Variants in MAGI3 observed in about 807,000 individuals in gnomAD.
MAGI3 encodes the protein membrane-associated guanylate kinase, WW and PDZ domain-containing protein 3.
Under a neutral mutation model 121.8 loss-of-function variants are expected in MAGI3, and 43 were observed. That is an observed-to-expected ratio of 0.35 (90% CI 0.28 to 0.46). The LOEUF (loss-of-function observed/expected upper bound fraction) is 0.46. Ranked by LOEUF, MAGI3 falls within the 20% of genes least tolerant of loss-of-function variation. MAGI3 has a pLI of 1.00. For synonymous variants in MAGI3, 553 were observed against 639.3 expected, an observed-to-expected ratio of 0.86 and a Z score of 2.04; for missense variants, 1,547 against 1,797.3, an observed-to-expected ratio of 0.86 and a Z score of 2.52.
At chr1:113,637,596 T>C (rs1218749444) in intron 9 of MAGI3, among the ~76,000 whole-genome samples, 1 of 152,226 alleles carries the variant, frequency 6.6e-6, no homozygotes, top group East Asian at 1.9e-4. Context: ...TGCCAAGAGA[T>C]CCACTGTTAG....
intron 1 of MAGI3, chr1:113,404,539 G>A (rs1651573949): frequency 6.6e-6 from 1 of 152,030 alleles, no homozygotes; most frequent in Non-Finnish European, 1.5e-5. Flanking sequence ...CTGTATGGTA[G>A]AAACACTATA....
At chr1:113,543,722 A>G (rs1659397515) in intron 1 of MAGI3, among the ~76,000 whole-genome samples, 2 of 151,956 alleles carry the variant, frequency 1.3e-5, no homozygotes, top group South Asian at 4.2e-4. Context: ...ACAAAAATTA[A>G]CCTGGCCTGG....
chr1:113,451,844 T>C lies in MAGI3; in HGVS notation c.316+60495T>C, dbSNP rs375882721. On this transcript the variant is annotated intron_variant, in intron 1 of 20. Coordinates refer to ENST00000307546, the MANE Select transcript of MAGI3 (RefSeq NM_001142782.2). ...GAAATAAATGTGATGTTAATTGCTATGGCAGTGTGTCTGTACACATTACTT... is the reference window on the plus strand; with the variant it reads ...GAAATAAATGTGATGTTAATTGCTACGGCAGTGTGTCTGTACACATTACTT... Among the ~76,000 whole-genome samples the C allele has an allele frequency of 3.3e-5, 5 of 152,338 alleles. No individual in the cohort carries two copies. In the East Asian group the frequency reaches 7.7e-4, roughly 23 times the overall value.
chr1:113,417,188 A>C (rs1197019094), intron 1 of MAGI3, among the ~76,000 whole-genome samples: 1 of 152,076 alleles, frequency 6.6e-6, no homozygotes, highest in Non-Finnish European at 1.5e-5. Context: ...GAATGTATAG[A>C]GTCATATAAT....
At chr1:113,420,071 C>T (rs370478360) in intron 1 of MAGI3, among the ~76,000 whole-genome samples, 94 of 152,278 alleles carry the variant, frequency 6.2e-4, no homozygotes, top group African/African-American at 2.2e-3. Flanking sequence ...CAGATTTGTA[C>T]TCACATTAAG....
chr1:113,526,434 GA>G (rs1365274314), intron 1 of MAGI3, among the ~76,000 whole-genome samples: 1 of 152,110 alleles, frequency 6.6e-6, no homozygotes, highest in East Asian at 1.9e-4. Flanking sequence ...GTGTTCCAGA[GA>G]AAAGGAACAT....
chr1:113,418,297 A>C (rs572863139), intron 1 of MAGI3, among the ~76,000 whole-genome samples: 1 of 152,190 alleles, frequency 6.6e-6, no homozygotes, highest in African/African-American at 2.4e-5. Context: ...TTTGTCCCCA[A>C]CCCACTTTTC....
intron 1 of MAGI3, among the ~76,000 whole-genome samples, chr1:113,395,368 C>G (rs1448536695): frequency 6.6e-6 from 1 of 151,354 alleles, no homozygotes; most frequent in Non-Finnish European, 1.5e-5. Context: ...TGAAAATTTC[C>G]TATTTCAAAT....
chr1:113,452,455 T>TACACAC (rs4026203), intron 1 of MAGI3, among the ~76,000 whole-genome samples: 4,530 of 147,178 alleles, frequency 0.031, 98 homozygotes, highest in Non-Finnish European at 0.045. Flanking sequence ...TGCATAGACA[T>TACACAC]ACACACACAC....
intron 1 of MAGI3, among the ~76,000 whole-genome samples, chr1:113,502,828 A>G (rs1185249699): frequency 3.6e-4 from 21 of 59,134 alleles, no homozygotes; most frequent in East Asian, 6.8e-4. Context: ...CAAATGTCCA[A>G]CAATGATAGA....
At chr1:113,637,175 CTT>C (rs1387904056) in intron 9 of MAGI3, among the ~76,000 whole-genome samples, 1 of 152,158 alleles carries the variant, frequency 6.6e-6, no homozygotes, top group Non-Finnish European at 1.5e-5. Context: ...GGTCTTGACT[CTT>C]TATCCAATTT....
At chr1:113,464,230 A>G (rs971508034) in intron 1 of MAGI3, among the ~76,000 whole-genome samples, 3 of 152,098 alleles carry the variant, frequency 2.0e-5, no homozygotes, top group Admixed American at 6.5e-5. Flanking sequence ...TGGCTCCCAC[A>G]TATGAGTGAG....
chr1:113,425,008 A>C (rs896127935), intron 1 of MAGI3, among the ~76,000 whole-genome samples: 3 of 151,578 alleles, frequency 2.0e-5, no homozygotes, highest in African/African-American at 4.8e-5. Context: ...ATAAATGAAA[A>C]ATTAGCCGGG....
At chr1:113,437,701 C>G (rs1192631717) in intron 1 of MAGI3, among the ~76,000 whole-genome samples, 1 of 151,768 alleles carries the variant, frequency 6.6e-6, no homozygotes, top group East Asian at 1.9e-4. Context: ...TTTTCCCCTT[C>G]CTCCTCGTCT....
intron 1 of MAGI3, among the ~76,000 whole-genome samples, chr1:113,453,644 A>C (rs1286826540): frequency 6.6e-6 from 1 of 152,210 alleles, no homozygotes; most frequent in Non-Finnish European, 1.5e-5. Flanking sequence ...TGCATGTTTT[A>C]AACAGGAAAT....
In MAGI3 at chr1:113,585,403, T is replaced by G; in HGVS notation, c.570T>G (p.Thr190=). The G allele has an allele frequency of 6.2e-7, 1 of 1,613,952 alleles. No homozygotes were observed. Among genetic ancestry groups the G allele is most frequent in the Non-Finnish European group, 8.5e-7 (1 of 1,179,914 alleles). ...TCACTTCAGGAAACTTCTATGGAACTCCCAAGCCTCCAGCAGAACCCAGCC... is the reference window on the plus strand; with the variant it reads ...TCACTTCAGGAAACTTCTATGGAACGCCCAAGCCTCCAGCAGAACCCAGCC... ...SGTYDGNFYG[T]PKPPAEPSPF... Residue 190 remains threonine (T), a synonymous_variant, in exon 4 of 21, where the codon ACT becomes ACG. Coordinates refer to ENST00000307546, the MANE Select transcript of MAGI3 (RefSeq NM_001142782.2).
Position 113,682,642 on chromosome 1 carries a change from TCTCA to T in MAGI3, c.3329-252_3329-249del, listed in dbSNP as rs1648289013. 6.1e-6 allele frequency: 6 copies of T among 976,184 alleles called. No homozygotes were observed. The South Asian group carries it at 1.9e-4, about 31-fold the overall frequency. The allele number at this position is 976,184 out of a possible 1,614,324, so 60.5% of individuals were successfully genotyped here. A position where few individuals can be genotyped will look rare whatever the true frequency, so the allele number is the denominator to read the frequency against. On this transcript the variant is annotated intron_variant, in intron 20 of 20. Transcript: ENST00000307546. ...TAGAGAATTTACAGATCATATATTA[TCTCA>T]CTAATTATATGTAATTGGAAAAAAT... is the stretch of plus-strand genomic sequence containing the variant.
At chr1:113,613,117 T>C (rs1650261150) in intron 6 of MAGI3, among the ~76,000 whole-genome samples, 1 of 152,172 alleles carries the variant, frequency 6.6e-6, no homozygotes, top group Non-Finnish European at 1.5e-5. Context: ...GAAACAGTTG[T>C]TTGGCGATAA....
At chr1:113,470,982 A>G (rs1655511505) in intron 1 of MAGI3, among the ~76,000 whole-genome samples, 1 of 152,210 alleles carries the variant, frequency 6.6e-6, no homozygotes, top group Non-Finnish European at 1.5e-5. Flanking sequence ...ATATCCAAAA[A>G]ACTCATTGCC....
Sources: allele counts gnomAD v4.1 joint callset (sites outside exome capture counted in the v4.1 genomes callset), GRCh38; gene constraint gnomAD v4.1.1; transcripts MANE v1.5; gene names NCBI Gene and HGNC (gene_info 2026-07-23, HGNC 2026-07-21).